Variants in SNX29 observed in about 807,000 individuals in gnomAD.
SNX29 encodes sorting nexin-29.
Under a neutral mutation model 102.1 loss-of-function variants are expected in SNX29, and 78 were observed. The ratio of observed to expected loss-of-function variants is 0.76; its 90% CI spans 0.64 to 0.92. The LOEUF (loss-of-function observed/expected upper bound fraction) is 0.92. Among genes scored for constraint, SNX29 ranks in the 40% least tolerant of loss-of-function variants. SNX29 has a pLI of 0.00. For synonymous variants in SNX29, 580 were observed against 414.5 expected (o/e 1.40, Z -4.85); for missense variants, 1,280 against 1,061.7 (o/e 1.21, Z -2.86).
intron 1 of SNX29, among the ~76,000 whole-genome samples, chr16:11,987,974 A>G (rs1005874318): frequency 6.6e-6 from 1 of 152,146 alleles, no homozygotes; most frequent in African/African-American, 2.4e-5. Context: ...TCATAGCTTT[A>G]CCAGCATTGG....
intron 13 of SNX29, among the ~76,000 whole-genome samples, chr16:12,188,037 A>G (rs910374141): frequency 1.6e-4 from 25 of 152,130 alleles, no homozygotes; most frequent in Admixed American, 1.6e-3. Context: ...TCCAGGTGAT[A>G]ATTTGAGCAT....
At chr16:12,198,893 C>G (rs2076845705) in intron 13 of SNX29, among the ~76,000 whole-genome samples, 1 of 152,192 alleles carries the variant, frequency 6.6e-6, no homozygotes, top group Non-Finnish European at 1.5e-5. Flanking sequence ...TATGTAAAGT[C>G]TAAATACTCA....
rs1325450277 is a variant in SNX29 at position 12,043,052 on chromosome 16, C to T, written c.403C>T (p.Leu135Phe). The T allele has an allele frequency of 6.2e-7, 1 of 1,613,446 alleles. No homozygotes were observed. Among genetic ancestry groups the T allele is most frequent in the East Asian group, 2.2e-5 (1 of 44,884 alleles). Residue 135 changes from leucine (L) to phenylalanine (F), a missense_variant, in exon 5 of 21, where the codon CTC (leucine) becomes TTC (phenylalanine). Transcript: ENST00000566228. Reference protein sequence around the residue: ...EHSLERYLHMLLADRCRLSTF... With the variant: ...EHSLERYLHMFLADRCRLSTF... Reference sequence around the variant, plus strand: ...CTCCCTGGAGCGCTACCTGCACATGCTCCTGGCCGACCGCTGCAGGCTGAG... The same window carrying T: ...CTCCCTGGAGCGCTACCTGCACATGTTCCTGGCCGACCGCTGCAGGCTGAG...
Position 12,027,378 on chromosome 16 carries a change from C to T in SNX29, c.181C>T (p.Arg61Ter). ...AVLQHGLKRS[R>*]GLALTAAAIK... The stretch of plus-strand genomic sequence containing the variant: ...CCTGCAGCATGGCTTGAAGAGGAGT[C>T]GAGGATTGGCACTCACAGCGGCAGC... The change falls in exon 4 of 21, where the codon CGA (arginine) becomes TGA (stop). Residue 61 changes from arginine (R) to a stop codon, truncating the protein, a stop_gained. Coordinates refer to ENST00000566228, the MANE Select transcript of SNX29 (RefSeq NM_032167.5). LOFTEE classifies it high-confidence loss of function. 2 of 1,614,040 alleles carry T rather than the reference C, an allele frequency of 1.2e-6. No individual in the cohort carries two copies. The highest frequency in any genetic ancestry group is 1.7e-6 in the Non-Finnish European group (2 of 1,180,000).
At chr16:12,072,199 A>G (rs1056990503) in intron 10 of SNX29, among the ~76,000 whole-genome samples, 41 of 151,354 alleles carry the variant, frequency 2.7e-4, no homozygotes, top group African/African-American at 9.9e-4. Context: ...AACTTTCAAC[A>G]CTATGTTGAA....
intron 19 of SNX29, among the ~76,000 whole-genome samples, chr16:12,491,499 T>TTG (rs1567618059): frequency 9.2e-6 from 1 of 109,112 alleles, no homozygotes; most frequent in East Asian, 2.8e-4. Context: ...TCTCATTTTG[T>TTG]TGCTGCTGTT....
intron 20 of SNX29, among the ~76,000 whole-genome samples, chr16:12,549,585 C>G (rs1258403134): frequency 1.3e-5 from 2 of 152,192 alleles, no homozygotes; most frequent in Admixed American, 6.5e-5. Context: ...AGCCCTAAGA[C>G]CTGCACCTTT....
intron 15 of SNX29, among the ~76,000 whole-genome samples, chr16:12,295,006 G>A (rs1181345446): frequency 1.3e-5 from 2 of 152,156 alleles, no homozygotes; most frequent in Admixed American, 6.5e-5. Flanking sequence ...GAGAGAATGA[G>A]AACCAAGTGA....
intron 11 of SNX29, among the ~76,000 whole-genome samples, chr16:12,110,330 A>G (rs569814508): frequency 2.0e-4 from 31 of 152,068 alleles, no homozygotes; most frequent in Non-Finnish European, 1.9e-4. Flanking sequence ...GCAGCCCAGC[A>G]TGTCGTTCCC....
chr16:12,508,810 G>A (rs1364100850), intron 19 of SNX29, among the ~76,000 whole-genome samples: 1 of 152,140 alleles, frequency 6.6e-6, no homozygotes, highest in East Asian at 1.9e-4. Flanking sequence ...AAGGGTACCT[G>A]TTCCTCCCCA....
chr16:12,087,984 T>A (rs1275396116), intron 11 of SNX29: 1 of 456,722 alleles, frequency 2.2e-6, no homozygotes, highest in African/African-American at 2.0e-5. Context: ...CTAGACCCTG[T>A]GCAGGGGGCC....
chr16:12,221,518 G>A (rs2077477415), intron 14 of SNX29, among the ~76,000 whole-genome samples: 1 of 152,218 alleles, frequency 6.6e-6, no homozygotes, highest in Non-Finnish European at 1.5e-5. Context: ...GGAGGCTGAG[G>A]CAGGAGAATC....
At chr16:12,334,901 C>CTTTTTTTT (rs36176543) in intron 15 of SNX29, among the ~76,000 whole-genome samples, 10,798 of 93,162 alleles carry the variant, frequency 0.12, 853 homozygotes, top group East Asian at 0.25. Context: ...GCCCCAGAGC[C>CTTTTTTTT]TTTTTTTTTT....
At chr16:12,409,205 CAAAT>C (rs1393656264) in intron 18 of SNX29, among the ~76,000 whole-genome samples, 1 of 152,162 alleles carries the variant, frequency 6.6e-6, no homozygotes, top group Non-Finnish European at 1.5e-5. Flanking sequence ...TAAGGAGTGT[CAAAT>C]AAAATGGAAA....
chr16:12,069,361 G>C (rs2051186395), intron 10 of SNX29, among the ~76,000 whole-genome samples: 1 of 151,998 alleles, frequency 6.6e-6, no homozygotes, highest in Non-Finnish European at 1.5e-5. Flanking sequence ...CGCCTCCCGA[G>C]ATCAAGCGAT....
At chr16:12,152,438 G>C (rs1025523966) in intron 13 of SNX29, among the ~76,000 whole-genome samples, 1 of 152,180 alleles carries the variant, frequency 6.6e-6, no homozygotes, top group African/African-American at 2.4e-5. Context: ...GGGAGCAGGA[G>C]ACAGTGTGGC....
At chr16:12,406,153 T>C (rs1417267632) in intron 18 of SNX29, among the ~76,000 whole-genome samples, 2 of 151,932 alleles carry the variant, frequency 1.3e-5, no homozygotes, top group Non-Finnish European at 2.9e-5. Context: ...TCAATGAAAA[T>C]GTAAACTAAG....
chr16:12,427,292 G>C (rs1380717731), intron 18 of SNX29, among the ~76,000 whole-genome samples: 1 of 151,332 alleles, frequency 6.6e-6, no homozygotes, highest in East Asian at 1.9e-4. Flanking sequence ...TTTTTGTGAT[G>C]AAAATCTTGA....
At position 12,218,867 on chromosome 16, in the gene SNX29, C is replaced by T. The variant is rs562502923; in HGVS notation, c.1678+19184C>T. On this transcript the variant is annotated intron_variant, in intron 14 of 20. Coordinates refer to ENST00000566228, the MANE Select transcript of SNX29 (RefSeq NM_032167.5). Reference sequence around the variant, plus strand: ...TCGGCTCACTGCAAGCTCCACCTGCCGGGTTCACGCCATTCTCCTGCCTCA... The same window carrying T: ...TCGGCTCACTGCAAGCTCCACCTGCTGGGTTCACGCCATTCTCCTGCCTCA... Among the ~76,000 whole-genome samples the T allele has an allele frequency of 1.4e-3, 207 of 152,254 alleles. No homozygotes were observed. The Middle Eastern group carries it at 0.014, about 10-fold the overall frequency.
Sources: allele counts gnomAD v4.1 joint callset (sites outside exome capture counted in the v4.1 genomes callset), GRCh38; gene constraint gnomAD v4.1.1; transcripts MANE v1.5; gene names NCBI Gene and HGNC (gene_info 2026-07-23, HGNC 2026-07-21).